The following GALNT13 variants were observed in gnomAD, a reference collection of about 807,000 sequenced individuals.
The protein encoded by GALNT13 is polypeptide N-acetylgalactosaminyltransferase 13, also known as UDP-GalNAc:polypeptide N-acetylgalactosaminyltransferase 13.
Under a neutral mutation model 64.2 loss-of-function variants are expected in GALNT13, and 28 were observed. The observed-to-expected ratio is 0.44, with a 90% CI of 0.32 to 0.60. The LOEUF (loss-of-function observed/expected upper bound fraction) is 0.60. Among genes scored for constraint, GALNT13 ranks in the 20% least tolerant of loss-of-function variants. GALNT13 has a pLI of 0.05. For synonymous variants in GALNT13, 214 were observed against 224.6 expected (o/e 0.95, Z 0.42); for missense variants, 577 against 669.8 (o/e 0.86, Z 1.53).
chr2:153,270,293 T>A, the GALNT13 span, among the ~76,000 whole-genome samples: 1 of 138,016 alleles, frequency 7.2e-6, no homozygotes, highest in African/African-American at 2.5e-5. Context: ...AAGACAAAAC[T>A]TCTGCTACAT....
At chr2:154,034,624 A>T (rs1408253351) in intron 3 of GALNT13, among the ~76,000 whole-genome samples, 1 of 134,858 alleles carries the variant, frequency 7.4e-6, no homozygotes, top group Non-Finnish European at 1.5e-5. Context: ...ACTGTCCATT[A>T]TCCACACTCT....
intron 3 of GALNT13, among the ~76,000 whole-genome samples, chr2:154,039,997 C>G (rs12052770): frequency 0.45 from 62,424 of 139,598 alleles, 21,424 homozygotes; most frequent in East Asian, 0.95. Context: ...TGTTGACAAA[C>G]TGTGTTTTTT....
At chr2:153,378,788 C>G in the GALNT13 span, among the ~76,000 whole-genome samples, 1 of 152,064 alleles carries the variant, frequency 6.6e-6, no homozygotes, top group Non-Finnish European at 1.5e-5. Flanking sequence ...CATCCCAGGC[C>G]TCTGGTTTGT....
chr2:153,130,138 C>A, the GALNT13 span, among the ~76,000 whole-genome samples: 1 of 152,258 alleles, frequency 6.6e-6, no homozygotes, highest in Middle Eastern at 3.4e-3. Context: ...AATCTAACAA[C>A]TTTTCCCACC....
chr2:153,328,077 G>A, the GALNT13 span, among the ~76,000 whole-genome samples: 1 of 152,104 alleles, frequency 6.6e-6, no homozygotes, highest in African/African-American at 2.4e-5. Context: ...GCAGGCTGCT[G>A]GAGTTTGCTG....
At chr2:153,917,748 G>A (rs1432052062) in intron 2 of GALNT13, among the ~76,000 whole-genome samples, 1 of 152,094 alleles carries the variant, frequency 6.6e-6, no homozygotes, top group Non-Finnish European at 1.5e-5. Context: ...ATGTTGCCAG[G>A]CAACCTTAGT....
At chr2:153,887,612 C>A (rs1687273531) in intron 1 of GALNT13, among the ~76,000 whole-genome samples, 1 of 151,820 alleles carries the variant, frequency 6.6e-6, no homozygotes, top group African/African-American at 2.4e-5. Context: ...ATACACAATG[C>A]TAAACAATGA....
chr2:153,813,769 A>G, the GALNT13 span, among the ~76,000 whole-genome samples: 1 of 152,222 alleles, frequency 6.6e-6, no homozygotes, highest in Non-Finnish European at 1.5e-5. Context: ...TTGATATAGC[A>G]CAATACCATA....
intron 7 of GALNT13, among the ~76,000 whole-genome samples, chr2:154,247,028 TTATA>T (rs2105880392): frequency 6.6e-6 from 1 of 152,140 alleles, no homozygotes; most frequent in Admixed American, 6.5e-5. Flanking sequence ...ACCTACTTAA[TTATA>T]TAAAGAATTA....
At chr2:153,264,718 T>C in the GALNT13 span, among the ~76,000 whole-genome samples, 3 of 152,168 alleles carry the variant, frequency 2.0e-5, no homozygotes, top group African/African-American at 7.2e-5. Context: ...CAAACACTGC[T>C]TGTACTCACT....
chr2:153,141,971 G>A, the GALNT13 span, among the ~76,000 whole-genome samples: 18 of 152,124 alleles, frequency 1.2e-4, no homozygotes, highest in East Asian at 1.7e-3. Flanking sequence ...ATTTAGGAAC[G>A]AATAAGCTTC....
At chr2:153,602,786 T>G in the GALNT13 span, among the ~76,000 whole-genome samples, 1 of 151,730 alleles carries the variant, frequency 6.6e-6, no homozygotes, top group African/African-American at 2.4e-5. Context: ...TTTTAATACA[T>G]TGCTCTGGCA....
intron 8 of GALNT13, among the ~76,000 whole-genome samples, chr2:154,273,821 C>T (rs886880739): frequency 2.6e-5 from 4 of 151,758 alleles, no homozygotes; most frequent in Admixed American, 6.6e-5. Flanking sequence ...GCATGTACAC[C>T]GAGTACAGTT....
chr2:154,162,605 C>T (rs1684797579), intron 4 of GALNT13, among the ~76,000 whole-genome samples: 1 of 152,142 alleles, frequency 6.6e-6, no homozygotes, highest in Admixed American at 6.5e-5. Context: ...GAGATAGGGT[C>T]TTCCTAAAGA....
the GALNT13 span, among the ~76,000 whole-genome samples, chr2:153,193,903 C>G: frequency 6.6e-6 from 1 of 152,128 alleles, no homozygotes; most frequent in Non-Finnish European, 1.5e-5. Context: ...TTCCTTTCAG[C>G]TCTTTGAATA....
At chr2:153,684,072 ATATAT>A in the GALNT13 span, among the ~76,000 whole-genome samples, 1 of 17,706 alleles carries the variant, frequency 5.6e-5, no homozygotes, top group South Asian at 8.1e-4. Flanking sequence ...TCATAATAAT[ATATAT>A]ATATATATAT....
chr2:153,958,952 T>A (rs1416255531), intron 3 of GALNT13, among the ~76,000 whole-genome samples: 1 of 152,200 alleles, frequency 6.6e-6, no homozygotes, highest in Non-Finnish European at 1.5e-5. Context: ...TGTAAGTGGC[T>A]GTCCATCAGG....
At chr2:153,693,002 T>A in the GALNT13 span, among the ~76,000 whole-genome samples, 1 of 151,844 alleles carries the variant, frequency 6.6e-6, no homozygotes, top group Admixed American at 6.6e-5. Flanking sequence ...AAAAAAAGGC[T>A]CAAATCTTTG....
At chr2:153,335,361 A>C in the GALNT13 span, among the ~76,000 whole-genome samples, 1 of 152,332 alleles carries the variant, frequency 6.6e-6, no homozygotes, top group East Asian at 1.9e-4. Context: ...AAAGTTTGAA[A>C]CTTTCTACAG....
Sources: allele counts gnomAD v4.1 joint callset (sites outside exome capture counted in the v4.1 genomes callset), GRCh38; gene constraint gnomAD v4.1.1; transcripts MANE v1.5; gene names NCBI Gene and HGNC (gene_info 2026-07-23, HGNC 2026-07-21).